The following DISC1 variants were observed in gnomAD, a reference collection of about 807,000 sequenced individuals.
The protein encoded by DISC1 is DISC1 scaffold protein.
In DISC1, 57 loss-of-function variants were observed where a neutral mutation model predicts 84.5. The observed-to-expected ratio is 0.67, with a 90% CI of 0.55 to 0.84. The LOEUF is 0.84. Among genes scored for constraint, DISC1 ranks in the 40% least tolerant of loss-of-function variants. DISC1 has a pLI of 0.00. For synonymous variants in DISC1, 411 were observed against 415.2 expected (o/e 0.99, Z 0.12); for missense variants, 1,000 against 1,057.8 (o/e 0.95, Z 0.76).
chr1:231,993,377 G>C (rs1458911698), intron 10 of DISC1, among the ~76,000 whole-genome samples: 1 of 151,118 alleles, frequency 6.6e-6, no homozygotes, highest in Non-Finnish European at 1.5e-5. Context: ...AATACTAGAT[G>C]GGATAGATTG....
intron 9 of DISC1, among the ~76,000 whole-genome samples, chr1:231,825,304 A>T (rs2081785499): frequency 6.6e-6 from 1 of 152,164 alleles, no homozygotes; most frequent in Non-Finnish European, 1.5e-5. Context: ...TTTTTTTAAC[A>T]TGCTAATTCA....
intron 1 of DISC1, among the ~76,000 whole-genome samples, chr1:231,636,174 AT>A (rs2059184117): frequency 6.6e-6 from 1 of 152,258 alleles, no homozygotes; most frequent in African/African-American, 2.4e-5. Context: ...GCTGCTCTTC[AT>A]TCAGAAAGAG....
intron 9 of DISC1, among the ~76,000 whole-genome samples, chr1:231,889,978 C>T (rs770608872): frequency 5.9e-5 from 9 of 152,200 alleles, no homozygotes; most frequent in South Asian, 4.1e-4. Flanking sequence ...TGGTTAATAC[C>T]GAAGGGAGGT....
intron 3 of DISC1, among the ~76,000 whole-genome samples, chr1:231,741,677 A>G (rs1291654291): frequency 6.6e-6 from 1 of 152,180 alleles, no homozygotes; most frequent in East Asian, 1.9e-4. Context: ...ACCGGAGGAG[A>G]TACTGGGATC....
Position 231,630,912 on chromosome 1 carries a change from G to C in DISC1, c.67+3978G>C, listed in dbSNP as rs554445272. ...GTGGCTGGGCAATGAATGAAATACTGACATTTAGCTGTAGAAGGTAGGCAG... is the reference window on the plus strand; with the variant it reads ...GTGGCTGGGCAATGAATGAAATACTCACATTTAGCTGTAGAAGGTAGGCAG... On this transcript the variant is annotated intron_variant, in intron 1 of 12. Transcript: ENST00000439617. The surrounding 1 kb of genome is among the most constrained non-coding windows in gnomAD (Gnocchi z 4.4). 1.3e-5 allele frequency among the ~76,000 whole-genome samples: 2 copies of C among 152,278 alleles called. No individual in the cohort carries two copies. The highest frequency in any genetic ancestry group is 1.9e-4 in the East Asian group (1 of 5,184).
chr1:231,938,275 A>G (rs368663538), intron 9 of DISC1, among the ~76,000 whole-genome samples: 2 of 152,186 alleles, frequency 1.3e-5, no homozygotes, highest in Non-Finnish European at 1.5e-5. Flanking sequence ...ATCTAATCAC[A>G]TGAGCCCGTA....
chr1:231,949,368 CCTGGATGTGGA>C (rs1657904149), intron 9 of DISC1, among the ~76,000 whole-genome samples: 1 of 152,122 alleles, frequency 6.6e-6, no homozygotes, highest in African/African-American at 2.4e-5. Context: ...AGGGCCGGTG[CCTGGATGTGGA>C]CAGCATGTGT....
intron 8 of DISC1, among the ~76,000 whole-genome samples, chr1:231,803,163 T>G (rs1242963688): frequency 6.6e-6 from 1 of 152,154 alleles, no homozygotes; most frequent in African/African-American, 2.4e-5. Flanking sequence ...AGACGGTGCA[T>G]ACATATGGTC....
chr1:231,913,683 A>G (rs1023114495), intron 9 of DISC1, among the ~76,000 whole-genome samples: 1 of 152,108 alleles, frequency 6.6e-6, no homozygotes, highest in Non-Finnish European at 1.5e-5. Context: ...TCTCATTTTC[A>G]TGTCAAGAAG....
chr1:231,637,482 A>T (rs185388586), intron 1 of DISC1, among the ~76,000 whole-genome samples: 5 of 152,188 alleles, frequency 3.3e-5, no homozygotes, highest in Non-Finnish European at 7.4e-5. Flanking sequence ...GTAATTTCTC[A>T]TCCTTCACTC....
At position 232,009,120 on chromosome 1, in the gene DISC1, T is replaced by A; in HGVS notation, c.2307+71T>A. 1 of 1,603,760 alleles carries A rather than the reference T, an allele frequency of 6.2e-7. No homozygotes were observed. Among genetic ancestry groups the A allele is most frequent in the Admixed American group, 1.7e-5 (1 of 58,672 alleles). ...GGGTGCTTTGGGACCATGCTCCAAA[T>A]GGGAACAATAAATATTGGGAAGGCT... is the stretch of plus-strand genomic sequence containing the variant. On this transcript the variant is annotated intron_variant, in intron 11 of 12. Coordinates refer to ENST00000439617, the MANE Select transcript of DISC1 (RefSeq NM_018662.3). The surrounding 1 kb of genome is among the most constrained non-coding windows in gnomAD (Gnocchi z 4.6).
chr1:232,003,036 T>TA (rs1666909855), intron 10 of DISC1, among the ~76,000 whole-genome samples: 2 of 152,124 alleles, frequency 1.3e-5, no homozygotes, highest in Admixed American at 1.3e-4. Flanking sequence ...TACTCTTTCT[T>TA]ACAATTGTAT....
Position 231,863,220 on chromosome 1 carries a change from C to CTTTTT in DISC1, c.1981+44731_1981+44735dup, listed in dbSNP as rs533463099. Among the ~76,000 whole-genome samples the CTTTTT allele has an allele frequency of 1.0e-3, 55 of 54,772 alleles. 6 individuals are homozygous for CTTTTT. Among genetic ancestry groups the CTTTTT allele is most frequent in the South Asian group, 2.2e-3 (2 of 916 alleles). 35.9% of individuals were successfully genotyped at this position (54,772 alleles called of 152,430 possible). A position where few individuals can be genotyped will look rare whatever the true frequency, so the allele number is the denominator to read the frequency against. ...TGATTGACATAGTTTATAAAATGTTCTTTTTTTTTTTTTTTTTTTTTTTTT... is the reference window on the plus strand; with the variant it reads ...TGATTGACATAGTTTATAAAATGTTCTTTTTTTTTTTTTTTTTTTTTTTTTTTTTT... On this transcript the variant is annotated intron_variant, in intron 9 of 12. Transcript: ENST00000439617.
At chr1:231,753,533 G>A (rs772734916) in intron 4 of DISC1, among the ~76,000 whole-genome samples, 4 of 152,148 alleles carry the variant, frequency 2.6e-5, no homozygotes, top group East Asian at 1.9e-4. Flanking sequence ...CGTCCTCCTC[G>A]GCCTCCAAGC....
intron 4 of DISC1, among the ~76,000 whole-genome samples, chr1:231,762,515 T>G (rs1361143458): frequency 1.8e-3 from 7 of 3,892 alleles, no homozygotes; most frequent in Non-Finnish European, 7.6e-3. Flanking sequence ...TTTTGTTTTG[T>G]TTTTTTTTTT....
chr1:231,921,279 A>G (rs2089993760), intron 9 of DISC1, among the ~76,000 whole-genome samples: 1 of 152,118 alleles, frequency 6.6e-6, no homozygotes, highest in African/African-American at 2.4e-5. Flanking sequence ...ATACCTTCCC[A>G]TGCAACTTAC....
At chr1:231,753,601 A>G (rs1327048740) in intron 4 of DISC1, among the ~76,000 whole-genome samples, 1 of 152,114 alleles carries the variant, frequency 6.6e-6, no homozygotes, top group Non-Finnish European at 1.5e-5. Context: ...CCTTTTCCCC[A>G]TTGTCTTGGC....
At chr1:231,839,015 AT>A (rs893882531) in intron 9 of DISC1, among the ~76,000 whole-genome samples, 1 of 127,372 alleles carries the variant, frequency 7.9e-6, no homozygotes, top group Non-Finnish European at 1.8e-5. Flanking sequence ...GTGTTGAAGG[AT>A]GAAATGAAGC....
At chr1:231,781,487 G>T (rs1474738111) in intron 6 of DISC1, among the ~76,000 whole-genome samples, 1 of 152,130 alleles carries the variant, frequency 6.6e-6, no homozygotes, top group Non-Finnish European at 1.5e-5. Context: ...GATTATCAAA[G>T]ATGAGAGATA....
Sources: allele counts gnomAD v4.1 joint callset (sites outside exome capture counted in the v4.1 genomes callset), GRCh38; gene constraint gnomAD v4.1.1; non-coding constraint Gnocchi (gnomAD v3.1); transcripts MANE v1.5; gene names NCBI Gene and HGNC (gene_info 2026-07-23, HGNC 2026-07-21).